The following APBB2 variants were observed in gnomAD, a reference collection of about 807,000 sequenced individuals.
The protein encoded by APBB2 is Fe65-like 1.
APBB2 carries 38 observed loss-of-function variants against 82.5 expected under a neutral mutation model. The observed-to-expected ratio is 0.46, with a 90% CI of 0.36 to 0.60. APBB2 has a LOEUF of 0.60. Ranked by LOEUF, APBB2 falls within the 20% of genes least tolerant of loss-of-function variation. The pLI is 0.00. For synonymous variants in APBB2, 341 were observed against 368.2 expected (o/e 0.93, Z 0.85); for missense variants, 772 against 972.3 (o/e 0.79, Z 2.74).
intron 10 of APBB2, among the ~76,000 whole-genome samples, chr4:40,920,494 A>G (rs1425453080): frequency 1.3e-5 from 2 of 152,200 alleles, no homozygotes; most frequent in African/African-American, 4.8e-5. Context: ...TCTTTAGGTG[A>G]ACCTGAGCTT....
At chr4:41,007,698 A>T (rs2154425854) in intron 6 of APBB2, among the ~76,000 whole-genome samples, 1 of 152,352 alleles carries the variant, frequency 6.6e-6, no homozygotes, top group African/African-American at 2.4e-5. Flanking sequence ...TTCTACAAGC[A>T]TATTGATGTA....
intron 1 of APBB2, among the ~76,000 whole-genome samples, chr4:41,203,461 T>G (rs1399388797): frequency 6.6e-6 from 1 of 152,170 alleles, no homozygotes; most frequent in Non-Finnish European, 1.5e-5. Context: ...CAGTGTTAGT[T>G]TTGTTTCACC....
intron 6 of APBB2, among the ~76,000 whole-genome samples, chr4:41,004,085 T>A (rs188960828): frequency 0.042 from 6,365 of 151,300 alleles, 269 homozygotes; most frequent in African/African-American, 0.11. Context: ...TTTTTTTTTT[T>A]AATTTTTATT....
intron 1 of APBB2, among the ~76,000 whole-genome samples, chr4:41,212,411 C>A: frequency 6.6e-6 from 1 of 152,184 alleles, no homozygotes; most frequent in East Asian, 1.9e-4. Flanking sequence ...GTGATCATAG[C>A]TCACTACAGC....
intron 12 of APBB2, among the ~76,000 whole-genome samples, chr4:40,869,029 AT>A (rs916774627): frequency 2.0e-5 from 3 of 149,064 alleles, no homozygotes; most frequent in South Asian, 2.1e-4. Context: ...CCACCTTTCT[AT>A]TTTTTTTTTC....
intron 10 of APBB2, among the ~76,000 whole-genome samples, chr4:40,924,271 A>G (rs779279832): frequency 3.5e-4 from 54 of 152,232 alleles, no homozygotes; most frequent in Admixed American, 2.0e-4. Context: ...TCGTGATTCA[A>G]CCATGTTGCT....
chr4:40,831,645 G>A (rs1751943641), intron 12 of APBB2, among the ~76,000 whole-genome samples: 1 of 152,156 alleles, frequency 6.6e-6, no homozygotes, highest in Non-Finnish European at 1.5e-5. Flanking sequence ...CACAAACAAT[G>A]GACCAGCCCA....
chr4:41,037,367 T>G (rs937956367), intron 4 of APBB2, among the ~76,000 whole-genome samples: 8 of 152,228 alleles, frequency 5.3e-5, no homozygotes, highest in African/African-American at 1.9e-4. Context: ...TTATATTAGG[T>G]TAAATAAAAC....
intron 10 of APBB2, among the ~76,000 whole-genome samples, chr4:40,931,274 GCTC>G (rs1784167104): frequency 6.6e-6 from 1 of 152,130 alleles, no homozygotes; most frequent in Non-Finnish European, 1.5e-5. Context: ...GGGGATGGAA[GCTC>G]CTCCAATGTG....
At chr4:40,886,395 G>T (rs1169471383) in intron 12 of APBB2, among the ~76,000 whole-genome samples, 3 of 152,108 alleles carry the variant, frequency 2.0e-5, no homozygotes, top group Admixed American at 1.3e-4. Flanking sequence ...CAGAAGAACC[G>T]CTTGAAACCG....
chr4:41,052,122 C>T (rs181219236), intron 4 of APBB2, among the ~76,000 whole-genome samples: 37 of 152,164 alleles, frequency 2.4e-4, no homozygotes, highest in African/African-American at 6.5e-4. Flanking sequence ...AATCCCAGCA[C>T]GTTTAGAGGC....
Position 41,013,636 on chromosome 4 carries a change from C to A in APBB2, c.782G>T (p.Ser261Ile). ...ACTGTCTTGGGACAACGTTGTCCAGCTGGACTCCTCATCGCTCGGTGCCAG... is the reference window on the plus strand; with the variant it reads ...ACTGTCTTGGGACAACGTTGTCCAGATGGACTCCTCATCGCTCGGTGCCAG... ...QNLAPSDEES[S>I]WTTLSQDSAS... is the part of the protein sequence containing the mutation. The change falls in exon 6 of 18, where the codon AGC (serine) becomes ATC (isoleucine). Residue 261 changes from serine to isoleucine, a missense_variant. Coordinates refer to ENST00000508593, the MANE Select transcript of APBB2 (RefSeq NM_004307.2). 7 of 1,614,220 alleles carry A rather than the reference C, an allele frequency of 4.3e-6. No individual in the cohort carries two copies. The highest frequency in any genetic ancestry group is 5.9e-6 in the Non-Finnish European group (7 of 1,180,032).
chr4:41,034,709 C>T (rs148414924), intron 4 of APBB2, among the ~76,000 whole-genome samples: 2 of 152,306 alleles, frequency 1.3e-5, no homozygotes, highest in East Asian at 1.9e-4. Flanking sequence ...TTTTAAAAAG[C>T]GTACACATAT....
In APBB2 at chr4:40,987,216, G is replaced by A. The variant is rs1004337746; in HGVS notation, c.835+26367C>T. On this transcript the variant is annotated intron_variant, in intron 6 of 17. Transcript: ENST00000508593. ...TCAAAGTTAAACAATATGATACTAA[G>A]CATATCATCAAAATAATAATAAATT... is the stretch of plus-strand genomic sequence containing the variant. Among the ~76,000 whole-genome samples the A allele has an allele frequency of 2.9e-5, 4 of 137,294 alleles. No homozygotes were observed. The Admixed American group carries it at 3.0e-4, about 10-fold the overall frequency. 90.1% of individuals were successfully genotyped at this position (137,294 alleles called of 152,430 possible).
chr4:41,116,611 A>T (rs1163359538), intron 2 of APBB2, among the ~76,000 whole-genome samples: 1 of 152,188 alleles, frequency 6.6e-6, no homozygotes, highest in Non-Finnish European at 1.5e-5. Flanking sequence ...AACATGGGCG[A>T]CAAGAGCGAA....
At chr4:41,092,517 C>A (rs1054983677) in intron 3 of APBB2, among the ~76,000 whole-genome samples, 2 of 151,988 alleles carry the variant, frequency 1.3e-5, no homozygotes, top group African/African-American at 4.8e-5. Context: ...AGTGAAACCT[C>A]GTCTCCACTA....
At chr4:41,109,781 A>T (rs747061508) in intron 2 of APBB2, among the ~76,000 whole-genome samples, 10 of 152,146 alleles carry the variant, frequency 6.6e-5, no homozygotes, top group Non-Finnish European at 1.0e-4. Flanking sequence ...AGAAAGCAAT[A>T]TGATTTTATA....
intron 2 of APBB2, among the ~76,000 whole-genome samples, chr4:41,131,137 C>A (rs1755855860): frequency 6.6e-6 from 1 of 152,208 alleles, no homozygotes; most frequent in Non-Finnish European, 1.5e-5. Flanking sequence ...TCTGCCTTCT[C>A]TTGATGTATC....
At chr4:40,870,734 C>CTTT (rs34591003) in intron 12 of APBB2, among the ~76,000 whole-genome samples, 7 of 130,648 alleles carry the variant, frequency 5.4e-5, no homozygotes, top group Admixed American at 1.6e-4. Context: ...TATACACACT[C>CTTT]TTTTTTTTTT....
Sources: gnomAD v4.1 joint callset for allele counts (sites outside exome capture counted in the v4.1 genomes callset) on GRCh38, gnomAD v4.1.1 for gene constraint, MANE v1.5 for transcripts, NCBI Gene and HGNC (gene_info 2026-07-23, HGNC 2026-07-21) for gene names.